MAST4: variants seen among roughly 807,000 people sequenced by gnomAD.
MAST4 encodes the protein microtubule-associated serine/threonine-protein kinase 4.
Under a neutral mutation model 162.7 loss-of-function variants are expected in MAST4, and 89 were observed. The ratio of observed to expected loss-of-function variants is 0.55; its 90% confidence interval spans 0.46 to 0.65. The LOEUF (loss-of-function observed/expected upper bound fraction) is 0.65, where lower values mean the gene tolerates loss of function less well. Ranked by LOEUF, MAST4 falls within the 30% of genes least tolerant of loss-of-function variation. The pLI is 0.00. For missense variants in MAST4, 3,153 were observed against 3,374.0 expected, an observed-to-expected ratio of 0.93 and a Z score of 1.62; for synonymous variants, 1,479 against 1,361.1, an observed-to-expected ratio of 1.09 and a Z score of -1.91.
intron 1 of MAST4, among the ~76,000 whole-genome samples, chr5:66,604,362 TATG>T (rs1742745103): frequency 2.0e-5 from 3 of 152,226 alleles, no homozygotes; most frequent in Admixed American, 2.0e-4. Flanking sequence ...TAATTTTGAT[TATG>T]ATACTTACCT....
intron 4 of MAST4, among the ~76,000 whole-genome samples, chr5:66,944,460 G>T (rs1743745277): frequency 1.3e-5 from 2 of 152,066 alleles, no homozygotes; most frequent in South Asian, 4.1e-4. Flanking sequence ...ATAATAGAAG[G>T]CTCTAGAACT....
chr5:66,664,664 T>C (rs1747134772), intron 1 of MAST4, among the ~76,000 whole-genome samples: 2 of 150,700 alleles, frequency 1.3e-5, no homozygotes, highest in Non-Finnish European at 3.0e-5. Flanking sequence ...GTAGTGTAGA[T>C]AGAGAAGAAC....
intron 1 of MAST4, among the ~76,000 whole-genome samples, chr5:66,739,933 G>T (rs1429920057): frequency 6.8e-6 from 1 of 147,200 alleles, no homozygotes; most frequent in African/African-American, 2.5e-5. Flanking sequence ...GTTGAAGTTT[G>T]TTGTGAATGA....
intron 21 of MAST4, among the ~76,000 whole-genome samples, chr5:67,144,023 G>A (rs1393346077): frequency 6.6e-6 from 1 of 151,706 alleles, no homozygotes; most frequent in Non-Finnish European, 1.5e-5. Flanking sequence ...AGACAACAGA[G>A]ATTCACAGAT....
rs1445974 is a variant in MAST4 at position 66,884,594 on chromosome 5, A to G, written c.643-15357A>G. Among the ~76,000 whole-genome samples the G allele has an allele frequency of 7.6e-3, 1,155 of 152,262 alleles. 20 individuals carry two copies. Among genetic ancestry groups the G allele is most frequent in the African/African-American group, 0.026 (1,092 of 41,544 alleles). On this transcript the variant is annotated intron_variant, in intron 3 of 28. Transcript: ENST00000403625. ...GTTTGATTACCGCGTTATTGCTTAGATCTCCTCATTGTAAGTGTTAATGTT... is the reference window on the plus strand; with the variant it reads ...GTTTGATTACCGCGTTATTGCTTAGGTCTCCTCATTGTAAGTGTTAATGTT...
intron 3 of MAST4, among the ~76,000 whole-genome samples, chr5:66,872,384 G>T (rs1323948996): frequency 6.6e-6 from 1 of 152,110 alleles, no homozygotes; most frequent in Non-Finnish European, 1.5e-5. Flanking sequence ...TGGCCAGGCT[G>T]GTCTCAAACT....
intron 4 of MAST4, among the ~76,000 whole-genome samples, chr5:66,960,951 C>T (rs1745939713): frequency 6.6e-6 from 1 of 152,166 alleles, no homozygotes; most frequent in South Asian, 2.1e-4. Context: ...GGTATCAGGC[C>T]ACGCCCCCTC....
In MAST4 at chr5:67,165,452, T is replaced by C. The variant is rs2151136858; in HGVS notation, c.6273T>C (p.Ser2091=). The C allele has an allele frequency of 6.2e-7, 1 of 1,613,902 alleles. No individual in the cohort carries two copies. Among genetic ancestry groups the C allele is most frequent in the East Asian group, 2.2e-5 (1 of 44,870 alleles). ...PKPEALLARR[S]LQPPGIESEK... is the part of the protein sequence containing the mutation. ...CCGAAGCGCTTCTTGCCAGGCGGTCTCTGCAGCCACCTGGAATTGAGAGTG... is the reference window on the plus strand; with the variant it reads ...CCGAAGCGCTTCTTGCCAGGCGGTCCCTGCAGCCACCTGGAATTGAGAGTG... Residue 2091 remains serine (S), a synonymous_variant, in exon 29 of 29, where the codon TCT becomes TCC. Coordinates refer to ENST00000403625, the MANE Select transcript of MAST4 (RefSeq NM_001164664.2).
chr5:67,104,911 A>G (rs1052458772), intron 10 of MAST4, among the ~76,000 whole-genome samples: 3 of 152,178 alleles, frequency 2.0e-5, no homozygotes, highest in Admixed American at 2.0e-4. Context: ...TATGTGTGTT[A>G]TTTGATGATG....
At chr5:67,137,901 T>C (rs1015781537) in intron 19 of MAST4, among the ~76,000 whole-genome samples, 1 of 152,232 alleles carries the variant, frequency 6.6e-6, no homozygotes, top group Non-Finnish European at 1.5e-5. Context: ...ACACAAAAGC[T>C]TTCCAGACCC....
Position 66,908,208 on chromosome 5 carries a change from C to T in MAST4, c.674+8226C>T, listed in dbSNP as rs116840480. Among the ~76,000 whole-genome samples the T allele has an allele frequency of 7.8e-3, 1,187 of 152,292 alleles. 11 individuals carry two copies. Among genetic ancestry groups the T allele is most frequent in the Middle Eastern group, 0.024 (7 of 294 alleles). ...CAGTTTGGTATTTGGCACGTATTTG[C>T]AGCTTTCCTTATCACACATGCATTT... On this transcript the variant is annotated intron_variant, in intron 4 of 28. Coordinates refer to ENST00000403625, the MANE Select transcript of MAST4 (RefSeq NM_001164664.2).
At chr5:67,028,081 C>T (rs1469195402) in intron 4 of MAST4, among the ~76,000 whole-genome samples, 1 of 152,048 alleles carries the variant, frequency 6.6e-6, no homozygotes, top group African/African-American at 2.4e-5. Context: ...ACAGAATTTA[C>T]AGTATCATGT....
rs141521648 is a variant in MAST4 at position 66,959,420 on chromosome 5, C to T, written c.674+59438C>T. On this transcript the variant is annotated intron_variant, in intron 4 of 28. Coordinates refer to ENST00000403625, the MANE Select transcript of MAST4 (RefSeq NM_001164664.2). ...AGCACTGCAGTGTGAGGTGGAGGAA[C>T]ATGTCTTAAATGCATGGCATTTGGT... 5.6e-5 allele frequency: 40 copies of T among 709,442 alleles called. No individual in the cohort carries two copies. The African/African-American group carries it at 6.4e-4, about 11-fold the overall frequency. The allele number at this position is 709,442 out of a possible 1,614,324, so 43.9% of individuals were successfully genotyped here.
rs1288091638 is a variant in MAST4, at chr5:67,165,817, C to T, written c.6638C>T (p.Ser2213Phe). The change falls in exon 29 of 29, where the codon TCC becomes TTC. Residue 2213 changes from serine to phenylalanine, a missense_variant. Ser to Phe is a radical substitution (Grantham distance 155). This residue lies in a region of MAST4 where 1,644 missense variants were observed against 1,495.0 expected (regional missense o/e 1.10). Coordinates refer to ENST00000403625, the MANE Select transcript of MAST4 (RefSeq NM_001164664.2). ...PKTKHPDRSL[S>F]SQKPSVGATK... ...ACTAAGCACCCCGACCGGTCCCTCT[C>T]CTCTCAGAAACCAAGTGTCGGGGCC... 1.9e-6 allele frequency: 3 copies of T among 1,612,740 alleles called. No homozygotes were observed. Among genetic ancestry groups the T allele is most frequent in the African/African-American group, 1.3e-5 (1 of 75,044 alleles).
At chr5:67,019,621 C>T (rs977147899) in intron 4 of MAST4, among the ~76,000 whole-genome samples, 8 of 152,150 alleles carry the variant, frequency 5.3e-5, no homozygotes, top group African/African-American at 1.9e-4. Flanking sequence ...TTGGGGAAAA[C>T]CATTATTTAA....
At chr5:66,821,385 G>C (rs954284672) in intron 3 of MAST4, among the ~76,000 whole-genome samples, 2 of 152,162 alleles carry the variant, frequency 1.3e-5, no homozygotes, top group Non-Finnish European at 2.9e-5. Context: ...TTAAAATATA[G>C]GGAAAGAAAA....
chr5:67,082,217 C>CA (rs1401274164), intron 5 of MAST4, among the ~76,000 whole-genome samples: 3 of 146,346 alleles, frequency 2.0e-5, no homozygotes, highest in African/African-American at 7.6e-5. Flanking sequence ...GGCGCGATCT[C>CA]AGCTCACTGC....
chr5:67,017,840 G>A (rs1045954109), intron 4 of MAST4, among the ~76,000 whole-genome samples: 9 of 151,812 alleles, frequency 5.9e-5, no homozygotes, highest in Non-Finnish European at 1.2e-4. Flanking sequence ...CTTGTGATCC[G>A]GCCACCTCGG....
At chr5:66,950,427 C>T (rs953473174) in intron 4 of MAST4, among the ~76,000 whole-genome samples, 2 of 152,098 alleles carry the variant, frequency 1.3e-5, no homozygotes, top group African/African-American at 2.4e-5. Context: ...CTTCCCATTT[C>T]CCCTTCCCCT....
Sources: gnomAD v4.1 joint callset for allele counts (sites outside exome capture counted in the v4.1 genomes callset) on GRCh38, gnomAD v4.1.1 for gene constraint, gnomAD v4.1.1 regional missense constraint, MANE v1.5 for transcripts, NCBI Gene and HGNC (gene_info 2026-07-23, HGNC 2026-07-21) for gene names.